Variants in RGS20 observed in about 807,000 individuals in gnomAD.
RGS20 encodes the protein gz-selective GTPase-activating protein.
RGS20 carries 30 observed loss-of-function variants against 33.6 expected under a neutral mutation model. That is an observed-to-expected ratio of 0.89 (90% CI 0.67 to 1.21). RGS20 has a LOEUF of 1.21. Ranked by LOEUF, RGS20 falls within the 50% of genes most tolerant of loss-of-function variation. The probability of loss-of-function intolerance (pLI) is 0.00; values close to 1 mark genes in which losing one functional copy is unlikely to be tolerated. For synonymous variants in RGS20, 208 were observed against 197.9 expected (o/e 1.05, Z -0.43); for missense variants, 472 against 502.4 (o/e 0.94, Z 0.58).
At chr8:53,948,144 ATATAG>A (rs1328707440) in intron 4 of RGS20, among the ~76,000 whole-genome samples, 6 of 135,576 alleles carry the variant, frequency 4.4e-5, no homozygotes, top group Admixed American at 7.8e-5. Flanking sequence ...TATATATATG[ATATAG>A]TATATATATT....
At position 53,953,622 on chromosome 8, in the gene RGS20, T is replaced by C. The variant is rs183541636; in HGVS notation, c.744-454T>C. Among the ~76,000 whole-genome samples, 117 of 152,296 alleles carry C rather than the reference T, an allele frequency of 7.7e-4. 2 individuals are homozygous for C. The East Asian group carries it at 0.017, about 22-fold the overall frequency. On this transcript the variant is annotated intron_variant, in intron 4 of 5. Coordinates refer to ENST00000297313, the MANE Select transcript of RGS20 (RefSeq NM_170587.4). Reference sequence around the variant, plus strand: ...CATATATTCTCTTTCTCAAATATTATATAATTTTAAAATATATTAAACAGA... The same window carrying C: ...CATATATTCTCTTTCTCAAATATTACATAATTTTAAAATATATTAAACAGA...
intron 1 of RGS20, among the ~76,000 whole-genome samples, chr8:53,864,364 T>C (rs1160339072): frequency 1.3e-5 from 2 of 149,972 alleles, no homozygotes; most frequent in East Asian, 2.0e-4. Flanking sequence ...AACCCAGGAG[T>C]TGGAGGTTGC....
Position 53,958,692 on chromosome 8 carries a change from G to A in RGS20, c.*234G>A, listed in dbSNP as rs1814949546. 1.3e-5 allele frequency: 3 copies of A among 232,722 alleles called. No homozygotes were observed. Among genetic ancestry groups the A allele is most frequent in the Admixed American group, 5.5e-5 (1 of 18,112 alleles). 14.4% of individuals were successfully genotyped at this position (232,722 alleles called of 1,614,324 possible). ...GATATGGCTGTTGTAGAAAGATAGC[G>A]TATTTGCATTTACAATAACAGTAGC... On this transcript the variant is annotated 3_prime_UTR_variant, in exon 6 of 6. Transcript: ENST00000297313.
intron 2 of RGS20, among the ~76,000 whole-genome samples, chr8:53,901,258 G>A (rs1031342190): frequency 6.6e-6 from 1 of 151,962 alleles, no homozygotes; most frequent in Non-Finnish European, 1.5e-5. Context: ...AGTAGAGATG[G>A]GGTTTCACCA....
intron 2 of RGS20, among the ~76,000 whole-genome samples, chr8:53,939,052 G>T (rs1375965917): frequency 6.6e-6 from 1 of 152,208 alleles, no homozygotes; most frequent in African/African-American, 2.4e-5. Flanking sequence ...AGCTAGGAAA[G>T]ATGTGACTCA....
intron 2 of RGS20, among the ~76,000 whole-genome samples, chr8:53,915,793 C>T (rs1563394431): frequency 6.6e-6 from 1 of 152,148 alleles, no homozygotes; most frequent in Non-Finnish European, 1.5e-5. Flanking sequence ...GAATTGGAGT[C>T]TCGCTATGTT....
At chr8:53,942,554 A>G (rs1227970193) in intron 3 of RGS20, among the ~76,000 whole-genome samples, 1 of 152,162 alleles carries the variant, frequency 6.6e-6, no homozygotes, top group Non-Finnish European at 1.5e-5. Flanking sequence ...GAGAAGATTC[A>G]CTACAGCATT....
intron 2 of RGS20, among the ~76,000 whole-genome samples, chr8:53,880,570 G>A (rs1423407174): frequency 2.0e-5 from 3 of 152,182 alleles, no homozygotes; most frequent in African/African-American, 7.2e-5. Context: ...CTTCATTCAC[G>A]AGGTCCGAGC....
intron 3 of RGS20, among the ~76,000 whole-genome samples, chr8:53,942,221 C>T (rs185020949): frequency 3.9e-4 from 59 of 151,868 alleles, no homozygotes; most frequent in Middle Eastern, 6.8e-3. Context: ...TTCGGTGAGC[C>T]GAGATTGCAC....
In RGS20 at chr8:53,931,655, A is replaced by T. The variant is rs890118194; in HGVS notation, c.511-7921A>T. On this transcript the variant is annotated intron_variant, in intron 2 of 5. Coordinates refer to ENST00000297313, the MANE Select transcript of RGS20 (RefSeq NM_170587.4). ...GCTCCGGTCTGTAGCTCCCAATGAGATCAATGCAGAAGGTGGGTGACTTCT... is the reference window on the plus strand; with the variant it reads ...GCTCCGGTCTGTAGCTCCCAATGAGTTCAATGCAGAAGGTGGGTGACTTCT... Among the ~76,000 whole-genome samples the T allele has an allele frequency of 2.6e-5, 4 of 152,288 alleles. No homozygotes were observed. In the South Asian group the frequency reaches 8.3e-4, roughly 32 times the overall value.
At chr8:53,950,709 T>A (rs1411223763) in intron 4 of RGS20, among the ~76,000 whole-genome samples, 2 of 151,816 alleles carry the variant, frequency 1.3e-5, no homozygotes, top group African/African-American at 4.8e-5. Flanking sequence ...CTGCCTCCTG[T>A]GTTCAAGTGA....
In RGS20 at chr8:53,954,812, A is replaced by T. The variant is rs1814816104; in HGVS notation, c.978+502A>T. ...AAGCAATTCTCCTGCCTCAGCCTCC[A>T]GAGTAGCTGGGATTATAGGTGCGCA... On this transcript the variant is annotated intron_variant, in intron 5 of 5. Transcript: ENST00000297313. Among the ~76,000 whole-genome samples, 3 of 145,432 alleles carry T rather than the reference A, an allele frequency of 2.1e-5. No homozygotes were observed. In the South Asian group the frequency reaches 6.8e-4, roughly 33 times the overall value.
At chr8:53,936,674 C>T (rs1441342022) in intron 2 of RGS20, among the ~76,000 whole-genome samples, 1 of 152,104 alleles carries the variant, frequency 6.6e-6, no homozygotes, top group African/African-American at 2.4e-5. Context: ...GCCATACTGC[C>T]CAAAGTAATT....
intron 1 of RGS20, among the ~76,000 whole-genome samples, chr8:53,875,912 C>T (rs1812199024): frequency 6.6e-6 from 1 of 152,106 alleles, no homozygotes; most frequent in Non-Finnish European, 1.5e-5. Flanking sequence ...CTCTAATAGC[C>T]AGGATCTGTT....
chr8:53,880,788 G>A (rs1223961396), intron 2 of RGS20, 84 bp from the exon 1 acceptor site: 1 of 1,261,216 alleles, frequency 7.9e-7, no homozygotes, highest in East Asian at 3.2e-5. Flanking sequence ...AGCACCCGCG[G>A]CGGTGGAGTG....
chr8:53,945,887 CA>C (rs35273543), intron 3 of RGS20, among the ~76,000 whole-genome samples: 302 of 136,292 alleles, frequency 2.2e-3, no homozygotes, highest in African/African-American at 4.4e-3. Context: ...ACTTGGTCTC[CA>C]AAAAAAAAAA....
chr8:53,864,535 C>T (rs562356027), intron 1 of RGS20, among the ~76,000 whole-genome samples: 1 of 151,984 alleles, frequency 6.6e-6, no homozygotes, highest in Non-Finnish European at 1.5e-5. Flanking sequence ...CCCGGGAACC[C>T]CTTGGAATCC....
At chr8:53,880,761 G>C (rs945367454) in intron 2 of RGS20, 111 bp from the exon 1 acceptor site, 1 of 945,572 alleles carries the variant, frequency 1.1e-6, no homozygotes, top group Non-Finnish European at 1.4e-6. Context: ...CCCGCGTGGG[G>C]CCTCGGGGGT....
intron 2 of RGS20, among the ~76,000 whole-genome samples, chr8:53,905,254 CA>C (rs1813133205): frequency 6.6e-6 from 1 of 152,132 alleles, no homozygotes; most frequent in African/African-American, 2.4e-5. Flanking sequence ...AATAGTCAGA[CA>C]ATAAAACCAA....
Sources: allele counts gnomAD v4.1 joint callset (sites outside exome capture counted in the v4.1 genomes callset), GRCh38; gene constraint gnomAD v4.1.1; transcripts MANE v1.5; gene names NCBI Gene and HGNC (gene_info 2026-07-23, HGNC 2026-07-21).